CATSPERE: variants seen among roughly 807,000 people sequenced by gnomAD.
CATSPERE encodes the protein catsper channel auxiliary subunit epsilon, also known as cation channel sperm-associated auxiliary subunit epsilon.
CATSPERE carries 93 observed loss-of-function variants against 114.1 expected under a neutral mutation model. The observed-to-expected ratio is 0.81, with a 90% confidence interval of 0.69 to 0.97. The LOEUF is 0.97. Among genes scored for constraint, CATSPERE ranks in the 50% least tolerant of loss-of-function variants. The pLI, the probability that CATSPERE is intolerant of heterozygous loss-of-function variation, is 0.00. For synonymous variants in CATSPERE, 341 were observed against 384.1 expected, an observed-to-expected ratio of 0.89 and a Z score of 1.31; for missense variants, 1,058 against 1,131.6, an observed-to-expected ratio of 0.93 and a Z score of 0.93.
chr1:244,590,477 A>G (rs1246839378), intron 14 of CATSPERE, among the ~76,000 whole-genome samples: 2 of 152,238 alleles, frequency 1.3e-5, no homozygotes, highest in African/African-American at 4.8e-5. Context: ...AAAGTATAGA[A>G]TTCAATGGAA....
At chr1:244,611,173 G>A (rs959105134) in intron 19 of CATSPERE, among the ~76,000 whole-genome samples, 4 of 152,180 alleles carry the variant, frequency 2.6e-5, no homozygotes, top group Admixed American at 6.6e-5. Flanking sequence ...TAAGCTCCAT[G>A]AGGGAAATTT....
At chr1:244,490,997 G>T (rs1310211842) in intron 6 of CATSPERE, among the ~76,000 whole-genome samples, 1 of 152,006 alleles carries the variant, frequency 6.6e-6, no homozygotes, top group Non-Finnish European at 1.5e-5. Flanking sequence ...ATTTTTAAAA[G>T]TATGAAGGGG....
rs1675202941 is a variant in CATSPERE, at chr1:244,640,361, TC to T, written c.*282del. On this transcript the variant is annotated 3_prime_UTR_variant, in exon 22 of 22. Transcript: ENST00000366534. ...AATAAACTAAATTTGACTATTACAA[TC>T]CTTTGTAAGAATGAAAGTGAATTTT... 4.9e-6 allele frequency: 1 copy of T among 205,448 alleles called. No individual in the cohort carries two copies. The highest frequency in any genetic ancestry group is 1.2e-4 in the South Asian group (1 of 8,514). 12.7% of individuals were successfully genotyped at this position (205,448 alleles called of 1,614,324 possible).
At chr1:244,521,169 CAT>C (rs1374487216) in intron 8 of CATSPERE, among the ~76,000 whole-genome samples, 2 of 152,012 alleles carry the variant, frequency 1.3e-5, no homozygotes, top group African/African-American at 4.8e-5. Context: ...GTCTGGGAAA[CAT>C]AGAGAGACCC....
chr1:244,482,689 T>C lies in CATSPERE; in HGVS notation c.326+2905T>C, dbSNP rs1670451410. Among the ~76,000 whole-genome samples, 3 of 152,128 alleles carry C rather than the reference T, an allele frequency of 2.0e-5. 1 individual carries two copies. The South Asian group carries it at 6.2e-4, about 32-fold the overall frequency. ...ATAAAAAGGATAGTAATGAAATCAGTACCCACATATGCATTACCCAAATCA... is the reference window on the plus strand; with the variant it reads ...ATAAAAAGGATAGTAATGAAATCAGCACCCACATATGCATTACCCAAATCA... On this transcript the variant is annotated intron_variant, in intron 5 of 21. Transcript: ENST00000366534.
chr1:244,461,441 G>T lies in CATSPERE; in HGVS notation c.12G>T (p.Arg4=). The T allele has an allele frequency of 1.4e-6, 2 of 1,389,672 alleles. No homozygotes were observed. The highest frequency in any genetic ancestry group is 9.4e-7 in the Non-Finnish European group (1 of 1,062,740). The allele number at this position is 1,389,672 out of a possible 1,614,324, so 86.1% of individuals were successfully genotyped here. A position where few individuals can be genotyped will look rare whatever the true frequency, so the allele number is the denominator to read the frequency against. ...GCGGAGCAGGCGCCATGTCAGCCCG[G>T]GAAGTGGCCGTGCTGCTGCTGTGGC... The part of the protein sequence containing the change: MSA[R]EVAVLLLWLS... The change falls in exon 1 of 22, where the codon CGG becomes CGT. Residue 4 remains arginine, a synonymous_variant. Transcript: ENST00000366534.
At chr1:244,623,636 A>G (rs1672684715) in intron 20 of CATSPERE, among the ~76,000 whole-genome samples, 1 of 151,996 alleles carries the variant, frequency 6.6e-6, no homozygotes, top group Non-Finnish European at 1.5e-5. Flanking sequence ...TGCTGCCACT[A>G]CCAAATACAG....
intron 8 of CATSPERE, among the ~76,000 whole-genome samples, chr1:244,535,739 A>G (rs375816859): frequency 2.6e-5 from 4 of 152,234 alleles, no homozygotes; most frequent in Middle Eastern, 3.4e-3. Flanking sequence ...GGGGACCCTA[A>G]GAGGCTGCTT....
At chr1:244,475,539 T>TC (rs1669190677) in intron 2 of CATSPERE, among the ~76,000 whole-genome samples, 1 of 127,788 alleles carries the variant, frequency 7.8e-6, no homozygotes, top group Non-Finnish European at 1.6e-5. Flanking sequence ...TGGCCACAAT[T>TC]TTTTTTTTTT....
intron 20 of CATSPERE, among the ~76,000 whole-genome samples, chr1:244,634,565 A>G (rs1674372314): frequency 6.6e-6 from 1 of 152,234 alleles, no homozygotes; most frequent in South Asian, 2.1e-4. Flanking sequence ...TAATATTAGA[A>G]ATGATAATAC....
chr1:244,549,522 A>AT (rs1167945519), intron 8 of CATSPERE, among the ~76,000 whole-genome samples: 1 of 152,134 alleles, frequency 6.6e-6, no homozygotes, highest in African/African-American at 2.4e-5. Flanking sequence ...TTAACTTTGT[A>AT]TTTAAGTATT....
At chr1:244,639,542 T>C (rs993424927) in intron 21 of CATSPERE, among the ~76,000 whole-genome samples, 1 of 152,114 alleles carries the variant, frequency 6.6e-6, no homozygotes, top group Non-Finnish European at 1.5e-5. Flanking sequence ...ATACAAAAAT[T>C]AGCTGGGTGT....
chr1:244,461,403 C>T lies in CATSPERE; in HGVS notation c.-27C>T. The T allele has an allele frequency of 1.5e-6, 2 of 1,349,800 alleles. No individual in the cohort carries two copies. The highest frequency in any genetic ancestry group is 3.4e-5 in the Admixed American group (1 of 29,280). The allele number at this position is 1,349,800 out of a possible 1,614,324, so 83.6% of individuals were successfully genotyped here. On this transcript the variant is annotated 5_prime_UTR_variant, in exon 1 of 22. Transcript: ENST00000366534. Reference sequence around the variant, plus strand: ...GAGGCCTGGACGGGAGTGGCCGAGGCGGTTGGGCGGAGGCGGAGCAGGCGC... The same window carrying T: ...GAGGCCTGGACGGGAGTGGCCGAGGTGGTTGGGCGGAGGCGGAGCAGGCGC...
intron 2 of CATSPERE, among the ~76,000 whole-genome samples, chr1:244,469,599 G>A (rs1668142235): frequency 6.6e-6 from 1 of 152,170 alleles, no homozygotes; most frequent in South Asian, 2.1e-4. Flanking sequence ...ATTTCTATTT[G>A]CAGACGACAT....
chr1:244,551,719 G>A (rs1307222353), intron 8 of CATSPERE, among the ~76,000 whole-genome samples: 2 of 152,126 alleles, frequency 1.3e-5, no homozygotes, highest in East Asian at 3.9e-4. Context: ...AGAGAAAAAA[G>A]AAGGTAATAG....
intron 21 of CATSPERE, among the ~76,000 whole-genome samples, chr1:244,639,504 A>G (rs1331427771): frequency 6.6e-6 from 1 of 152,192 alleles, no homozygotes; most frequent in Non-Finnish European, 1.5e-5. Context: ...AGCCTGGCCA[A>G]CATGGTGAAA....
chr1:244,495,916 G>A (rs963412364), intron 6 of CATSPERE, among the ~76,000 whole-genome samples: 10 of 152,264 alleles, frequency 6.6e-5, no homozygotes, highest in African/African-American at 2.4e-4. Context: ...GGAACCTACA[G>A]CTAAGAAATA....
intron 5 of CATSPERE, among the ~76,000 whole-genome samples, chr1:244,480,814 A>G (rs1017308106): frequency 6.6e-6 from 1 of 152,118 alleles, no homozygotes; most frequent in African/African-American, 2.4e-5. Flanking sequence ...ACTCACTGCC[A>G]CTTTCCCGGA....
rs549151849 is a variant in CATSPERE at position 244,508,921 on chromosome 1, A to T, written c.430-9671A>T. On this transcript the variant is annotated intron_variant, in intron 7 of 21. Transcript: ENST00000366534. ...GAGGCTAAAGCAGGAGGATCACTTG[A>T]GCCCAGGAGTTTGAGGCTGCAGTGA... Among the ~76,000 whole-genome samples, 751 of 150,746 alleles carry T rather than the reference A, an allele frequency of 5.0e-3. 6 individuals are homozygous for T. Among genetic ancestry groups the T allele is most frequent in the African/African-American group, 0.017 (707 of 40,996 alleles).
Sources: allele counts gnomAD v4.1 joint callset (sites outside exome capture counted in the v4.1 genomes callset), GRCh38; gene constraint gnomAD v4.1.1; transcripts MANE v1.5; gene names NCBI Gene and HGNC (gene_info 2026-07-23, HGNC 2026-07-21).